The following TANGO6 variants were observed in gnomAD, a reference collection of about 807,000 sequenced individuals.
The protein encoded by TANGO6 is transport and Golgi organization protein 6 homolog.
A neutral mutation model predicts 114.2 loss-of-function variants in TANGO6; 90 were observed. That is an observed-to-expected ratio of 0.79 (90% CI 0.66 to 0.94). The LOEUF (loss-of-function observed/expected upper bound fraction) is 0.94. TANGO6 is among the 40% of genes least tolerant of loss of function. TANGO6 has a pLI of 0.00. For synonymous variants in TANGO6, 477 were observed against 509.8 expected (o/e 0.94, Z 0.87); for missense variants, 1,274 against 1,315.3 (o/e 0.97, Z 0.49).
At position 69,030,790 on chromosome 16, in the gene TANGO6, G is replaced by A. The variant is rs141582402; in HGVS notation, c.2994+7811G>A. The stretch of plus-strand genomic sequence containing the variant: ...GTGAGGGCCGGGCGCGGTGGCTCAC[G>A]CCTGTAATCCCAGCACTTTAGGAGG... On this transcript the variant is annotated intron_variant, in intron 16 of 17. Coordinates refer to ENST00000261778, the MANE Select transcript of TANGO6 (RefSeq NM_024562.2). Among the ~76,000 whole-genome samples the A allele has an allele frequency of 6.6e-5, 10 of 151,946 alleles. 1 individual carries two copies. The East Asian group carries it at 1.8e-3, about 27-fold the overall frequency.
At chr16:69,062,462 A>T (rs1960135833) in intron 17 of TANGO6, among the ~76,000 whole-genome samples, 1 of 151,830 alleles carries the variant, frequency 6.6e-6, no homozygotes, top group African/African-American at 2.4e-5. Flanking sequence ...AGGAAATTTA[A>T]TTTTAATTTT....
chr16:68,852,594 C>G (rs1000433472), intron 1 of TANGO6, among the ~76,000 whole-genome samples: 1 of 149,618 alleles, frequency 6.7e-6, no homozygotes, highest in Non-Finnish European at 1.5e-5. Flanking sequence ...TTTGGGGAGG[C>G]TGAGGCGGGA....
intron 8 of TANGO6, among the ~76,000 whole-genome samples, chr16:68,901,550 G>T (rs1033069225): frequency 2.0e-5 from 3 of 152,112 alleles, no homozygotes; most frequent in Non-Finnish European, 4.4e-5. Context: ...GTGCAGTGGT[G>T]CGATCTCGGC....
At chr16:68,963,447 A>G (rs1417823217) in intron 14 of TANGO6, among the ~76,000 whole-genome samples, 2 of 152,098 alleles carry the variant, frequency 1.3e-5, no homozygotes. Context: ...CCTAGTTCCA[A>G]TCCCCAGAGA....
chr16:69,071,430 G>A (rs1341005380), intron 17 of TANGO6, among the ~76,000 whole-genome samples: 1 of 152,150 alleles, frequency 6.6e-6, no homozygotes, highest in Non-Finnish European at 1.5e-5. Context: ...TTCTGTAAAT[G>A]TCTTATTTTT....
intron 9 of TANGO6, among the ~76,000 whole-genome samples, chr16:68,906,775 C>T (rs1197691504): frequency 1.3e-5 from 2 of 151,126 alleles, no homozygotes; most frequent in East Asian, 1.9e-4. Flanking sequence ...CAGGACATAA[C>T]CGCCTAGTTT....
chr16:69,058,958 A>G (rs1960075286), intron 17 of TANGO6, among the ~76,000 whole-genome samples: 1 of 150,234 alleles, frequency 6.7e-6, no homozygotes, highest in African/African-American at 2.5e-5. Context: ...CCCAGGCTGG[A>G]ATACAATGCT....
intron 7 of TANGO6, among the ~76,000 whole-genome samples, chr16:68,896,246 A>T (rs1465435432): frequency 6.6e-6 from 1 of 152,106 alleles, no homozygotes; most frequent in Non-Finnish European, 1.5e-5. Context: ...GACTCAAGTG[A>T]TCTTCCCTCC....
intron 15 of TANGO6, among the ~76,000 whole-genome samples, chr16:68,994,670 G>C (rs574219172): frequency 2.0e-5 from 3 of 151,368 alleles, no homozygotes; most frequent in Non-Finnish European, 4.4e-5. Flanking sequence ...TACCTCCTGG[G>C]CTCAAACAAT....
intron 9 of TANGO6, 116 bp from the exon 10 acceptor site, chr16:68,907,327 C>A (rs1962865895): frequency 8.8e-7 from 1 of 1,137,728 alleles, no homozygotes; most frequent in South Asian, 2.5e-5. Flanking sequence ...TTTGGGGGAT[C>A]TTTTTAATGG....
intron 15 of TANGO6, among the ~76,000 whole-genome samples, chr16:69,017,206 A>T (rs2152226240): frequency 6.6e-6 from 1 of 152,276 alleles, no homozygotes; most frequent in South Asian, 2.1e-4. Flanking sequence ...CCATTTTGGC[A>T]CATCTCACTC....
intron 15 of TANGO6, among the ~76,000 whole-genome samples, chr16:68,982,612 G>A (rs1963847688): frequency 7.1e-6 from 1 of 140,422 alleles, no homozygotes; most frequent in South Asian, 2.2e-4. Flanking sequence ...TTACAGGCAT[G>A]AGCCACCATG....
intron 14 of TANGO6, among the ~76,000 whole-genome samples, chr16:68,940,615 C>T (rs1432376681): frequency 6.9e-6 from 1 of 145,192 alleles, no homozygotes; most frequent in Middle Eastern, 3.2e-3. Flanking sequence ...GCCTATACAT[C>T]AGGCCGACAG....
chr16:68,922,166 A>G (rs752269474), intron 12 of TANGO6, among the ~76,000 whole-genome samples: 1 of 151,754 alleles, frequency 6.6e-6, no homozygotes, highest in Non-Finnish European at 1.5e-5. Context: ...TTATTAGAAC[A>G]TTGTGTCTGG....
At chr16:68,987,575 C>T (rs1963908007) in intron 15 of TANGO6, among the ~76,000 whole-genome samples, 1 of 152,152 alleles carries the variant, frequency 6.6e-6, no homozygotes. Context: ...TGCCCTGTTG[C>T]CCAGGCTGGT....
Position 68,878,117 on chromosome 16 carries a change from G to T in TANGO6, c.1132-1G>T. 1 of 1,598,878 alleles carries T rather than the reference G, an allele frequency of 6.3e-7. No individual in the cohort carries two copies. The highest frequency in any genetic ancestry group is 8.5e-7 in the Non-Finnish European group (1 of 1,173,562). On this transcript the variant is annotated splice_acceptor_variant, in intron 5 of 17. Coordinates refer to ENST00000261778, the MANE Select transcript of TANGO6 (RefSeq NM_024562.2). LOFTEE classifies it high-confidence loss of function. ...ATTTACTTCTTGTAGTTTTTTTGTA[G>T]GTTCTGGATTTATTTCACTTTCAAG...
At chr16:68,994,069 T>A (rs1400557231) in intron 15 of TANGO6, among the ~76,000 whole-genome samples, 1 of 152,224 alleles carries the variant, frequency 6.6e-6, no homozygotes, top group Admixed American at 6.5e-5. Flanking sequence ...AAGCCAATCT[T>A]GGAGTTCAAT....
rs368368080 is a variant in TANGO6, at chr16:69,026,969, T to C, written c.2994+3990T>C. ...CCTCCACCTCCTGGGTTCAAGTGAT[T>C]CCCCTGTCTTAGCCTCCTGAGTAGC... On this transcript the variant is annotated intron_variant, in intron 16 of 17. Coordinates refer to ENST00000261778, the MANE Select transcript of TANGO6 (RefSeq NM_024562.2). Among the ~76,000 whole-genome samples, 15 of 152,186 alleles carry C rather than the reference T, an allele frequency of 9.9e-5. No homozygotes were observed. The East Asian group carries it at 1.7e-3, about 18-fold the overall frequency.
At chr16:69,037,623 G>C (rs536363245) in intron 16 of TANGO6, among the ~76,000 whole-genome samples, 1 of 152,352 alleles carries the variant, frequency 6.6e-6, no homozygotes, top group South Asian at 2.1e-4. Context: ...GGTTGCCCAA[G>C]GAATTCCTCT....
Sources: allele counts gnomAD v4.1 joint callset (sites outside exome capture counted in the v4.1 genomes callset), GRCh38; gene constraint gnomAD v4.1.1; transcripts MANE v1.5; gene names NCBI Gene and HGNC (gene_info 2026-07-23, HGNC 2026-07-21).